The following TMCC1 variants were observed in gnomAD, a reference collection of about 807,000 sequenced individuals.
The protein encoded by TMCC1 is transmembrane and coiled-coil domains protein 1.
Under a neutral mutation model 52.4 loss-of-function variants are expected in TMCC1, and 15 were observed. That is an observed-to-expected ratio of 0.29 (90% confidence interval 0.19 to 0.44). The LOEUF is 0.44. Ranked by LOEUF, TMCC1 falls within the 20% of genes least tolerant of loss-of-function variation. The pLI, the probability that TMCC1 is intolerant of heterozygous loss-of-function variation, is 1.00. For synonymous variants in TMCC1, 279 were observed against 301.9 expected, an observed-to-expected ratio of 0.92 and a Z score of 0.79; for missense variants, 503 against 806.0, an observed-to-expected ratio of 0.62 and a Z score of 4.55.
chr3:129,670,519 G>A lies in TMCC1; in HGVS notation c.1322C>T (p.Ala441Val). 1 of 1,614,196 alleles carries A rather than the reference G, an allele frequency of 6.2e-7. No individual in the cohort carries two copies. The highest frequency in any genetic ancestry group is 1.1e-5 in the South Asian group (1 of 91,086). The change falls in exon 5 of 7, where the codon GCT (alanine) becomes GTT (valine). Residue 441 changes from alanine (A) to valine (V), a missense_variant. Around this residue, in one of 7 missense-constraint regions of TMCC1, gnomAD observed 121 missense variants for 193.6 expected, o/e 0.62. Transcript: ENST00000393238. ...VGANSTTGGI[A>V]VGASSSKTNT... ...TGTTTTGGAGCTGGATGCTCCTACA[G>A]CGATGCCCCCTGTGGTGCTGTTGGC...
At chr3:129,714,011 C>T (rs2048886300) in intron 4 of TMCC1, among the ~76,000 whole-genome samples, 2 of 152,016 alleles carry the variant, frequency 1.3e-5, no homozygotes, top group South Asian at 4.1e-4. Flanking sequence ...AATGAAAAGC[C>T]CCTGTTTCTA....
At chr3:129,810,221 G>A (rs893699276) in intron 4 of TMCC1, among the ~76,000 whole-genome samples, 1 of 152,120 alleles carries the variant, frequency 6.6e-6, no homozygotes, top group Non-Finnish European at 1.5e-5. Context: ...AGCTGGGCAT[G>A]GTGGCGGGCA....
intron 4 of TMCC1, among the ~76,000 whole-genome samples, chr3:129,775,562 G>C (rs770028989): frequency 2.6e-5 from 4 of 152,242 alleles, no homozygotes; most frequent in Middle Eastern, 3.4e-3. Flanking sequence ...ATAAACACTG[G>C]AAAAGAACTG....
intron 4 of TMCC1, among the ~76,000 whole-genome samples, chr3:129,687,899 C>A (rs920082572): frequency 7.9e-5 from 12 of 152,280 alleles, no homozygotes; most frequent in African/African-American, 2.9e-4. Context: ...ATAATTATGA[C>A]TATTCAAAGA....
At chr3:129,655,250 G>C (rs1164381198) in intron 5 of TMCC1, 147 bp from the exon 6 acceptor site, 3 of 953,348 alleles carry the variant, frequency 3.1e-6, no homozygotes, top group Non-Finnish European at 4.6e-6. Flanking sequence ...TGTGCCAGTG[G>C]GTATAGCTCT....
intron 4 of TMCC1, among the ~76,000 whole-genome samples, chr3:129,723,694 A>G (rs1421981381): frequency 2.0e-5 from 3 of 152,188 alleles, no homozygotes; most frequent in Non-Finnish European, 1.5e-5. Flanking sequence ...TTCTGTCCAA[A>G]TAGCTTTGGG....
At chr3:129,875,309 G>A (rs1332244854) in intron 2 of TMCC1, among the ~76,000 whole-genome samples, 5 of 151,426 alleles carry the variant, frequency 3.3e-5, no homozygotes, top group East Asian at 1.9e-4. Context: ...CCAACATGGC[G>A]AAACCCTGTC....
intron 2 of TMCC1, among the ~76,000 whole-genome samples, chr3:129,836,910 TA>T (rs895124548): frequency 3.3e-5 from 5 of 152,134 alleles, no homozygotes; most frequent in African/African-American, 9.7e-5. Context: ...CCCGTGGAGC[TA>T]ATGAGGGAAG....
At chr3:129,805,632 C>A (rs968898069) in intron 4 of TMCC1, among the ~76,000 whole-genome samples, 3 of 152,074 alleles carry the variant, frequency 2.0e-5, no homozygotes, top group African/African-American at 7.2e-5. Flanking sequence ...CTAATCATAA[C>A]AATTAAAAGA....
chr3:129,819,983 C>A (rs2058333559), intron 4 of TMCC1: 1 of 151,196 alleles, frequency 6.6e-6, no homozygotes, highest in Non-Finnish European at 1.5e-5. Flanking sequence ...CAGTGGAACC[C>A]AGGAAGGCTA....
At chr3:129,659,649 A>G (rs1482288926) in intron 5 of TMCC1, among the ~76,000 whole-genome samples, 1 of 152,162 alleles carries the variant, frequency 6.6e-6, no homozygotes, top group Non-Finnish European at 1.5e-5. Flanking sequence ...CAATAAACCA[A>G]TGTTTATCAT....
chr3:129,716,484 G>A (rs562502885), intron 4 of TMCC1, among the ~76,000 whole-genome samples: 92 of 149,746 alleles, frequency 6.1e-4, no homozygotes, highest in African/African-American at 2.2e-3. Context: ...ACAGGTGCCT[G>A]CCACCACACC....
chr3:129,809,890 AATAAGGACCCTGATTTT>A (rs2057705248), intron 4 of TMCC1, among the ~76,000 whole-genome samples: 1 of 151,618 alleles, frequency 6.6e-6, no homozygotes, highest in Non-Finnish European at 1.5e-5. Flanking sequence ...TACTCATCTA[AATAAGGACCCTGATTTT>A]ATTTAGTTTT....
At chr3:129,726,898 A>G (rs1023775268) in intron 4 of TMCC1, among the ~76,000 whole-genome samples, 2 of 141,356 alleles carry the variant, frequency 1.4e-5, no homozygotes, top group Admixed American at 7.1e-5. Context: ...AAAAAAAAAA[A>G]GAACCACTGT....
At chr3:129,763,114 C>T (rs1428182435) in intron 4 of TMCC1, among the ~76,000 whole-genome samples, 4 of 150,780 alleles carry the variant, frequency 2.7e-5, no homozygotes, top group Non-Finnish European at 5.9e-5. Context: ...AGGAGAATGG[C>T]GTGAACCCGG....
At chr3:129,813,741 G>A (rs778174867) in intron 4 of TMCC1, among the ~76,000 whole-genome samples, 6 of 150,874 alleles carry the variant, frequency 4.0e-5, no homozygotes, top group African/African-American at 4.9e-5. Context: ...ACAAACCCCC[G>A]CAACATGCAG....
At chr3:129,844,313 C>A (rs1435048648) in intron 2 of TMCC1, among the ~76,000 whole-genome samples, 1 of 152,128 alleles carries the variant, frequency 6.6e-6, no homozygotes, top group Non-Finnish European at 1.5e-5. Flanking sequence ...TGGAAAAACA[C>A]TGCCATGATT....
intron 4 of TMCC1, among the ~76,000 whole-genome samples, chr3:129,729,358 C>CTAAA (rs1417862033): frequency 6.6e-6 from 1 of 152,060 alleles, no homozygotes; most frequent in Non-Finnish European, 1.5e-5. Flanking sequence ...TATATGACAA[C>CTAAA]TTTTGTTGTC....
chr3:129,679,431 G>A (rs1252858280), intron 4 of TMCC1, among the ~76,000 whole-genome samples: 8 of 151,866 alleles, frequency 5.3e-5, no homozygotes, highest in Admixed American at 4.6e-4. Context: ...TCAGCCTTCC[G>A]AGTAGCTGGG....
Sources: allele counts gnomAD v4.1 joint callset (sites outside exome capture counted in the v4.1 genomes callset), GRCh38; gene constraint gnomAD v4.1.1; regional missense constraint gnomAD v4.1.1; transcripts MANE v1.5; gene names NCBI Gene and HGNC (gene_info 2026-07-23, HGNC 2026-07-21).